Variants in APLF observed in about 807,000 individuals in gnomAD.
APLF encodes aprataxin and PNK-like factor.
A neutral mutation model predicts 55.6 loss-of-function variants in APLF; 61 were observed. That is an observed-to-expected ratio of 1.10 (90% confidence interval 0.89 to 1.36). The LOEUF is 1.36. APLF is among the 40% of genes most tolerant of loss of function. The pLI is 0.00. For synonymous variants in APLF, 207 were observed against 214.8 expected (o/e 0.96, Z 0.32); for missense variants, 611 against 602.5 (o/e 1.01, Z -0.15).
rs888080924 is a variant in APLF, at chr2:68,513,633, C to T, written c.575C>T (p.Ala192Val). Residue 192 changes from alanine to valine, a missense_variant, in exon 5 of 10, where the codon GCA becomes GTA. By Grantham distance (64) the Ala-to-Val change is moderately conservative. Transcript: ENST00000303795. ...AGAATCCTTCCAACTTGGATGTTAG[C>T]AGAACATTTAAGTGATCAAAACCTT... ...RKRILPTWML[A>V]EHLSDQNLSV... is the part of the protein sequence containing the mutation. 3.4e-5 allele frequency: 54 copies of T among 1,611,302 alleles called. No individual in the cohort carries two copies. Among genetic ancestry groups the T allele is most frequent in the Non-Finnish European group, 4.4e-5 (52 of 1,178,260 alleles).
chr2:68,562,324 A>G (rs114686412), intron 8 of APLF, among the ~76,000 whole-genome samples: 1,705 of 152,154 alleles, frequency 0.011, 36 homozygotes, highest in African/African-American at 0.039. Context: ...TTTTTGAAGG[A>G]AAAAGGTTGA....
At chr2:68,525,084 A>T (rs1669995760) in intron 5 of APLF, among the ~76,000 whole-genome samples, 1 of 152,168 alleles carries the variant, frequency 6.6e-6, no homozygotes, top group African/African-American at 2.4e-5. Flanking sequence ...ACCTGAGGTG[A>T]GGAGTTCGAG....
At chr2:68,537,041 T>G (rs1330443852) in intron 6 of APLF, among the ~76,000 whole-genome samples, 2 of 152,022 alleles carry the variant, frequency 1.3e-5, no homozygotes, top group East Asian at 3.9e-4. Context: ...AGCATGTGCC[T>G]GTAATCCCAG....
chr2:68,499,566 C>CAGTGA (rs776304366), intron 2 of APLF, among the ~76,000 whole-genome samples: 2 of 152,282 alleles, frequency 1.3e-5, no homozygotes, highest in Non-Finnish European at 2.9e-5. Context: ...AAGCCAGGTG[C>CAGTGA]AGTGGCTCAC....
At chr2:68,510,140 C>T (rs1677001659) in intron 3 of APLF, among the ~76,000 whole-genome samples, 1 of 151,426 alleles carries the variant, frequency 6.6e-6, no homozygotes, top group African/African-American at 2.4e-5. Context: ...ATGGGTGCAG[C>T]ACACCAACAT....
intron 5 of APLF, among the ~76,000 whole-genome samples, chr2:68,521,290 A>G (rs2103974438): frequency 1.3e-5 from 2 of 151,914 alleles, no homozygotes; most frequent in South Asian, 2.1e-4. Context: ...AAATGGTGAC[A>G]GTTTGACTCA....
At chr2:68,510,336 A>T (rs1224289879) in intron 3 of APLF, among the ~76,000 whole-genome samples, 1 of 151,890 alleles carries the variant, frequency 6.6e-6, no homozygotes, top group Non-Finnish European at 1.5e-5. Flanking sequence ...TCAACAATGC[A>T]AAGGCAAACA....
At chr2:68,487,006 T>C (rs977646193) in intron 1 of APLF, among the ~76,000 whole-genome samples, 4 of 152,198 alleles carry the variant, frequency 2.6e-5, no homozygotes, top group Admixed American at 1.3e-4. Flanking sequence ...GTAGCCTTTC[T>C]CTTTCCACTT....
chr2:68,517,540 T>C (rs1184727963), intron 5 of APLF, among the ~76,000 whole-genome samples: 3 of 140,904 alleles, frequency 2.1e-5, no homozygotes, highest in Admixed American at 7.2e-5. Flanking sequence ...GTTATTAACA[T>C]ATGTCAATAT....
chr2:68,517,546 AAT>A (rs1481428074), intron 5 of APLF, among the ~76,000 whole-genome samples: 1 of 142,718 alleles, frequency 7.0e-6, no homozygotes, highest in Non-Finnish European at 1.5e-5. Context: ...AACATATGTC[AAT>A]ATATGTTAAT....
chr2:68,504,893 G>C (rs1448406644), intron 3 of APLF, among the ~76,000 whole-genome samples: 2 of 152,018 alleles, frequency 1.3e-5, no homozygotes, highest in African/African-American at 4.8e-5. Context: ...TTTCCAAGGG[G>C]ATTGACTAGT....
intron 5 of APLF, among the ~76,000 whole-genome samples, chr2:68,524,116 T>C (rs997740711): frequency 6.6e-6 from 1 of 152,184 alleles, no homozygotes; most frequent in African/African-American, 2.4e-5. Flanking sequence ...ATACCACTAG[T>C]TCAGTATGTC....
chr2:68,546,305 C>A (rs1254323743), intron 8 of APLF, among the ~76,000 whole-genome samples: 1 of 151,952 alleles, frequency 6.6e-6, no homozygotes, highest in Admixed American at 6.6e-5. Context: ...AGTGATAGAT[C>A]TGTTTGGTTT....
intron 2 of APLF, among the ~76,000 whole-genome samples, chr2:68,502,423 GT>G (rs757365092): frequency 1.8e-4 from 27 of 152,162 alleles, no homozygotes; most frequent in Admixed American, 9.8e-4. Context: ...GTGATGTCTA[GT>G]TGTCTCTATT....
intron 7 of APLF, among the ~76,000 whole-genome samples, chr2:68,539,973 TG>T (rs934727134): frequency 2.6e-5 from 4 of 152,172 alleles, no homozygotes; most frequent in Non-Finnish European, 5.9e-5. Flanking sequence ...ACAGGTGACA[TG>T]ATTGTATAAT....
intron 8 of APLF, among the ~76,000 whole-genome samples, chr2:68,550,441 AG>A (rs1400928314): frequency 6.6e-6 from 1 of 152,164 alleles, no homozygotes; most frequent in African/African-American, 2.4e-5. Context: ...TATGTTGGCC[AG>A]GCTGGTCTCA....
intron 3 of APLF, among the ~76,000 whole-genome samples, chr2:68,503,504 C>T (rs774772474): frequency 4.6e-5 from 7 of 151,946 alleles, no homozygotes; most frequent in African/African-American, 9.7e-5. Flanking sequence ...CAGAATTATG[C>T]GGAGTATGTT....
chr2:68,503,272 G>A (rs1395605207), intron 3 of APLF, among the ~76,000 whole-genome samples: 1 of 151,882 alleles, frequency 6.6e-6, no homozygotes, highest in African/African-American at 2.4e-5. Context: ...TTTTATTAAG[G>A]TATTAACTTC....
At chr2:68,574,415 T>C (rs984598199) in intron 9 of APLF, among the ~76,000 whole-genome samples, 13 of 152,210 alleles carry the variant, frequency 8.5e-5, no homozygotes, top group African/African-American at 3.1e-4. Flanking sequence ...AACCCTGTTA[T>C]GAAGGATCTG....
Sources: gnomAD v4.1 joint callset for allele counts (sites outside exome capture counted in the v4.1 genomes callset) on GRCh38, gnomAD v4.1.1 for gene constraint, MANE v1.5 for transcripts, NCBI Gene and HGNC (gene_info 2026-07-23, HGNC 2026-07-21) for gene names.